Variants in KALRN observed in about 807,000 individuals in gnomAD.
KALRN encodes kalirin.
In KALRN, 70 loss-of-function variants were observed where a neutral mutation model predicts 353.7. The observed-to-expected ratio is 0.20, with a 90% confidence interval of 0.16 to 0.24. KALRN has a LOEUF of 0.24. KALRN is among the 10% of genes least tolerant of loss of function. The probability of loss-of-function intolerance (pLI) is 1.00; values close to 1 mark genes in which losing one functional copy is unlikely to be tolerated. For synonymous variants in KALRN, 1,391 were observed against 1,434.8 expected (o/e 0.97, Z 0.69); for missense variants, 2,791 against 3,756.7 (o/e 0.74, Z 6.72).
chr3:124,081,057 C>G (rs1169761030), intron 1 of KALRN, among the ~76,000 whole-genome samples: 1 of 152,176 alleles, frequency 6.6e-6, no homozygotes, highest in Admixed American at 6.5e-5. Flanking sequence ...ACGCTCATCC[C>G]ATTCATTTTT....
intron 1 of KALRN, among the ~76,000 whole-genome samples, chr3:124,129,557 A>G (rs963148416): frequency 4.6e-5 from 7 of 152,200 alleles, no homozygotes; most frequent in Non-Finnish European, 8.8e-5. Flanking sequence ...GTGATGCTCT[A>G]CTTCAATCTC....
rs1185543472 is a variant in KALRN, at chr3:124,033,369, A to G, written c.-372A>G. Among the ~76,000 whole-genome samples, 1 of 151,706 alleles carries G rather than the reference A, an allele frequency of 6.6e-6. No individual in the cohort carries two copies. Among genetic ancestry groups the G allele is most frequent in the Non-Finnish European group, 1.5e-5 (1 of 67,876 alleles). On this transcript the variant is annotated 5_prime_UTR_variant, in exon 1 of 60. Transcript: ENST00000682506. The surrounding 1 kb of genome is among the most constrained non-coding windows in gnomAD (Gnocchi z 6.2). ...AGGAGAGAGCGGAGCAGGGCTGAACAATAGAGACAGGCAGACGGGCGAGCA... is the reference window on the plus strand; with the variant it reads ...AGGAGAGAGCGGAGCAGGGCTGAACGATAGAGACAGGCAGACGGGCGAGCA...
intron 1 of KALRN, among the ~76,000 whole-genome samples, chr3:124,136,902 GT>G (rs2065984922): frequency 2.0e-5 from 3 of 152,198 alleles, no homozygotes; most frequent in Admixed American, 2.0e-4. Context: ...GGAGGCACTA[GT>G]GATGGAAACA....
chr3:124,417,544 GA>G (rs1289330622), intron 14 of KALRN, among the ~76,000 whole-genome samples: 1 of 152,212 alleles, frequency 6.6e-6, no homozygotes, highest in African/African-American at 2.4e-5. Context: ...TTGTGGCCAT[GA>G]TACTTAAAAT....
chr3:124,424,192 T>C (rs575422474), intron 15 of KALRN, among the ~76,000 whole-genome samples: 141 of 152,278 alleles, frequency 9.3e-4, no homozygotes, highest in African/African-American at 3.2e-3. Context: ...ACATCACTCC[T>C]GTGGTTGCCC....
At chr3:124,360,285 T>C (rs1576276710) in intron 10 of KALRN, among the ~76,000 whole-genome samples, 2 of 152,172 alleles carry the variant, frequency 1.3e-5, no homozygotes, top group East Asian at 3.9e-4. Context: ...GAAGGCTGGG[T>C]TGGCTGCCGG....
chr3:124,657,435 T>C lies in KALRN; in HGVS notation c.5863-13T>C. 1 of 1,596,762 alleles carries C rather than the reference T, an allele frequency of 6.3e-7. No individual in the cohort carries two copies. Among genetic ancestry groups the C allele is most frequent in the Non-Finnish European group, 8.6e-7 (1 of 1,164,192 alleles). The stretch of plus-strand genomic sequence containing the variant: ...TGAAAATATGCTACTAACCATTGCC[T>C]TTGCTGCTGCAGGGCTTCATGAAGA... On this transcript the variant is annotated splice_polypyrimidine_tract_variant and intron_variant, in intron 39 of 59. Coordinates refer to ENST00000682506, the MANE Select transcript of KALRN (RefSeq NM_001388419.1).
chr3:124,134,230 A>T (rs2065655389), intron 1 of KALRN, among the ~76,000 whole-genome samples: 1 of 152,210 alleles, frequency 6.6e-6, no homozygotes, highest in African/African-American at 2.4e-5. Flanking sequence ...AAACCCAAAT[A>T]CTTACAACCA....
intron 33 of KALRN, among the ~76,000 whole-genome samples, chr3:124,497,964 TG>T (rs2064055510): frequency 6.6e-6 from 1 of 152,186 alleles, no homozygotes; most frequent in African/African-American, 2.4e-5. Flanking sequence ...GCAAGGTATG[TG>T]GGGCTGGACT....
rs781761114 is a variant in KALRN, at chr3:124,395,275, G to A, written c.2103G>A (p.Lys701=). ...ATLDATLNVI[K]EGEDLIQQLR... ...TAGATGCCACACTCAATGTCATCAA[G>A]GAAGGCGAAGACCTTATCCAGCAGC... is the stretch of plus-strand genomic sequence containing the variant. The change falls in exon 12 of 60, where the codon AAG becomes AAA. Residue 701 remains lysine (K), a synonymous_variant. Transcript: ENST00000682506. 4.3e-6 allele frequency: 7 copies of A among 1,613,522 alleles called. No individual in the cohort carries two copies. The South Asian group carries it at 7.7e-5, about 18-fold the overall frequency.
chr3:124,422,567 A>C (rs2092828910), intron 14 of KALRN, among the ~76,000 whole-genome samples: 1 of 152,164 alleles, frequency 6.6e-6, no homozygotes, highest in South Asian at 2.1e-4. Context: ...TCCTGTTGAT[A>C]ATAAGGAACT....
In KALRN at chr3:124,347,085, G is replaced by C. The variant is rs899095781; in HGVS notation, c.1648-58G>C. ...TAGGACTCTAGCAGTTGCACATGTT[G>C]TCACATGTCTTTCCTTCTGCTAGAA... On this transcript the variant is annotated intron_variant, in intron 9 of 59. Coordinates refer to ENST00000682506, the MANE Select transcript of KALRN (RefSeq NM_001388419.1). The C allele has an allele frequency of 9.3e-6, 15 of 1,610,270 alleles. No homozygotes were observed. The African/African-American group carries it at 2.0e-4, about 22-fold the overall frequency.
chr3:124,162,004 T>C (rs1291820155), intron 1 of KALRN, among the ~76,000 whole-genome samples: 1 of 152,166 alleles, frequency 6.6e-6, no homozygotes, highest in African/African-American at 2.4e-5. Context: ...CTCTAAATCA[T>C]CCCAGAAAAT....
chr3:124,385,720 G>A (rs964751565), intron 11 of KALRN, among the ~76,000 whole-genome samples: 10 of 152,162 alleles, frequency 6.6e-5, no homozygotes, highest in Admixed American at 2.0e-4. Flanking sequence ...GTTAAGCTGC[G>A]GCAAGAGCAG....
chr3:124,430,508 AT>A (rs1339359456), intron 15 of KALRN, 147 bp from the exon 16 acceptor site: 3 of 931,288 alleles, frequency 3.2e-6, no homozygotes, highest in Non-Finnish European at 4.8e-6. Flanking sequence ...GGAGATGACC[AT>A]TTTGATTATG....
intron 52 of KALRN, among the ~76,000 whole-genome samples, 182 bp downstream of exon 52, chr3:124,694,013 TC>T (rs1305381128): frequency 6.6e-6 from 1 of 152,208 alleles, no homozygotes; most frequent in Non-Finnish European, 1.5e-5. Flanking sequence ...TATAATGGGA[TC>T]CAAGTTTTAT....
chr3:124,718,156 C>G (rs1225170685), intron 59 of KALRN, among the ~76,000 whole-genome samples: 3 of 140,112 alleles, frequency 2.1e-5, no homozygotes, highest in South Asian at 4.5e-4. Flanking sequence ...GAGTCTCGCT[C>G]TGTCACCCAG....
intron 19 of KALRN, among the ~76,000 whole-genome samples, chr3:124,444,525 C>T (rs956420475): frequency 1.3e-5 from 2 of 151,856 alleles, no homozygotes; most frequent in East Asian, 1.9e-4. Context: ...AGGCTGAGCA[C>T]GGTGGCTCGC....
At chr3:124,206,510 A>G (rs1401981631) in intron 1 of KALRN, among the ~76,000 whole-genome samples, 1 of 152,180 alleles carries the variant, frequency 6.6e-6, no homozygotes, top group African/African-American at 2.4e-5. Context: ...CTCTGTACCA[A>G]CCTTATATGG....
Sources: gnomAD v4.1 joint callset for allele counts (sites outside exome capture counted in the v4.1 genomes callset) on GRCh38, gnomAD v4.1.1 for gene constraint, Gnocchi (gnomAD v3.1) non-coding constraint, MANE v1.5 for transcripts, NCBI Gene and HGNC (gene_info 2026-07-23, HGNC 2026-07-21) for gene names.